The following MAF variants were observed in gnomAD, a reference collection of about 807,000 sequenced individuals.
MAF encodes MAF bZIP transcription factor.
MAF carries 10 observed loss-of-function variants against 22.0 expected under a neutral mutation model. The ratio of observed to expected loss-of-function variants is 0.45; its 90% CI spans 0.28 to 0.77. MAF has a LOEUF of 0.77. Ranked by LOEUF, MAF falls within the 30% of genes least tolerant of loss-of-function variation. The probability of loss-of-function intolerance (pLI) is 0.12; values close to 1 mark genes in which losing one functional copy is unlikely to be tolerated. For synonymous variants in MAF, 337 were observed against 255.8 expected (o/e 1.32, Z -3.03); for missense variants, 544 against 548.4 (o/e 0.99, Z 0.08).
At chr16:79,478,724 C>T in the MAF span, among the ~76,000 whole-genome samples, 1 of 152,260 alleles carries the variant, frequency 6.6e-6, no homozygotes, top group South Asian at 2.1e-4. Flanking sequence ...TGCACCAGTG[C>T]ATCATCCCAG....
At chr16:79,357,253 CACAACAACAACAACAACAACA>C in the MAF span, among the ~76,000 whole-genome samples, 3 of 145,976 alleles carry the variant, frequency 2.1e-5, no homozygotes, top group South Asian at 2.2e-4. Flanking sequence ...AAGACTCTGT[CACAACAACAACAACAACAACA>C]ACAACAACAA....
At chr16:79,296,258 A>G in the MAF span, among the ~76,000 whole-genome samples, 1 of 152,240 alleles carries the variant, frequency 6.6e-6, no homozygotes, top group Non-Finnish European at 1.5e-5. Flanking sequence ...ACATAGTGAA[A>G]GCTTAAAAGA....
the MAF span, among the ~76,000 whole-genome samples, chr16:79,525,565 C>G: frequency 6.6e-6 from 1 of 152,076 alleles, no homozygotes; most frequent in Non-Finnish European, 1.5e-5. Flanking sequence ...CATGTTAAAC[C>G]CTTAAGATCC....
At chr16:79,415,906 T>C in the MAF span, among the ~76,000 whole-genome samples, 682 of 152,174 alleles carry the variant, frequency 4.5e-3, 7 homozygotes, top group Non-Finnish European at 5.5e-3. Flanking sequence ...TACTCTTGCA[T>C]CCCTTGGTGT....
the MAF span, among the ~76,000 whole-genome samples, chr16:79,325,086 G>C: frequency 6.6e-6 from 1 of 152,010 alleles, no homozygotes. Context: ...ACCCAATCCG[G>C]GATGGTCTCA....
chr16:79,541,594 C>G, the MAF span, among the ~76,000 whole-genome samples: 1 of 151,638 alleles, frequency 6.6e-6, no homozygotes, highest in Non-Finnish European at 1.5e-5. Flanking sequence ...TGGTGAAAGA[C>G]GAGACCCTAA....
the MAF span, among the ~76,000 whole-genome samples, chr16:79,467,044 A>C: frequency 3.3e-5 from 5 of 152,320 alleles, no homozygotes; most frequent in East Asian, 9.7e-4. Flanking sequence ...GAAACTGGAA[A>C]GATCTTTTCA....
At chr16:79,347,264 G>C in the MAF span, among the ~76,000 whole-genome samples, 1 of 152,228 alleles carries the variant, frequency 6.6e-6, no homozygotes, top group African/African-American at 2.4e-5. Flanking sequence ...GTGAGAGTGA[G>C]AGGTGTGCAG....
the MAF span, among the ~76,000 whole-genome samples, chr16:79,278,248 C>T: frequency 6.6e-5 from 10 of 152,326 alleles, no homozygotes; most frequent in Admixed American, 3.3e-4. Flanking sequence ...AGATGGCAAC[C>T]GTTCAAGGGG....
chr16:79,209,692 C>A, the MAF span, among the ~76,000 whole-genome samples: 4 of 152,108 alleles, frequency 2.6e-5, no homozygotes, highest in Non-Finnish European at 5.9e-5. Context: ...GATTCCAGGC[C>A]AAAATAATAC....
chr16:79,336,903 A>T, the MAF span, among the ~76,000 whole-genome samples: 1 of 152,216 alleles, frequency 6.6e-6, no homozygotes, highest in Non-Finnish European at 1.5e-5. Flanking sequence ...ATATTTATTG[A>T]GTGCCTGGGG....
At chr16:79,371,921 C>T in the MAF span, among the ~76,000 whole-genome samples, 2 of 152,226 alleles carry the variant, frequency 1.3e-5, no homozygotes, top group African/African-American at 4.8e-5. Flanking sequence ...CCAAGCTTCG[C>T]TTTTTCTCAT....
the MAF span, among the ~76,000 whole-genome samples, chr16:79,499,513 A>G: frequency 6.6e-6 from 1 of 152,182 alleles, no homozygotes; most frequent in Non-Finnish European, 1.5e-5. Context: ...TCCAATCATC[A>G]ATGTGATGGT....
At chr16:79,207,482 C>T in the MAF span, among the ~76,000 whole-genome samples, 2 of 152,226 alleles carry the variant, frequency 1.3e-5, no homozygotes, top group Non-Finnish European at 2.9e-5. Flanking sequence ...TCATTCCTTT[C>T]ATAACTCTAC....
chr16:79,334,165 A>G, the MAF span, among the ~76,000 whole-genome samples: 2 of 152,228 alleles, frequency 1.3e-5, 1 homozygote, highest in Non-Finnish European at 2.9e-5. Context: ...TAGCAGCTTT[A>G]TTCCTAAAGC....
chr16:79,269,502 GCCAACACC>G, the MAF span, among the ~76,000 whole-genome samples: 65 of 152,174 alleles, frequency 4.3e-4, no homozygotes, highest in Non-Finnish European at 5.9e-4. Context: ...TCCCAAATGA[GCCAACACC>G]CCTGTCTTGT....
At chr16:79,566,323 A>G in the MAF span, among the ~76,000 whole-genome samples, 1 of 152,180 alleles carries the variant, frequency 6.6e-6, no homozygotes, top group African/African-American at 2.4e-5. Context: ...GGGTCTTACA[A>G]AAGGCTGTAA....
chr16:79,244,922 A>T, the MAF span, among the ~76,000 whole-genome samples: 1 of 152,026 alleles, frequency 6.6e-6, no homozygotes, highest in Non-Finnish European at 1.5e-5. Context: ...ACACCTCTAC[A>T]ACCATCTGAT....
At chr16:79,220,978 G>C in the MAF span, among the ~76,000 whole-genome samples, 1 of 152,188 alleles carries the variant, frequency 6.6e-6, no homozygotes, top group Non-Finnish European at 1.5e-5. Context: ...AGACAGAAGA[G>C]GACAGGAGCA....
Sources: allele counts gnomAD v4.1 joint callset (sites outside exome capture counted in the v4.1 genomes callset), GRCh38; gene constraint gnomAD v4.1.1; transcripts MANE v1.5; gene names NCBI Gene and HGNC (gene_info 2026-07-23, HGNC 2026-07-21).